IMMP2L: variants seen among roughly 807,000 people sequenced by gnomAD.
The protein encoded by IMMP2L is inner mitochondrial membrane peptidase subunit 2, also known as mitochondrial inner membrane protease subunit 2.
IMMP2L carries 18 observed loss-of-function variants against 19.3 expected under a neutral mutation model. The observed-to-expected ratio is 0.93, with a 90% CI of 0.64 to 1.38. IMMP2L has a LOEUF of 1.38. Ranked by LOEUF, IMMP2L falls within the 40% of genes most tolerant of loss-of-function variation. The pLI is 0.00. For missense variants in IMMP2L, 233 were observed against 218.2 expected, an observed-to-expected ratio of 1.07 and a Z score of -0.43; for synonymous variants, 76 against 73.0, an observed-to-expected ratio of 1.04 and a Z score of -0.21.
At chr7:111,243,519 T>TC (rs1468771245) in intron 3 of IMMP2L, among the ~76,000 whole-genome samples, 4 of 150,806 alleles carry the variant, frequency 2.7e-5, no homozygotes, top group East Asian at 3.9e-4. Flanking sequence ...GCTTTATTTT[T>TC]TTTTTTTTTA....
intron 3 of IMMP2L, among the ~76,000 whole-genome samples, chr7:111,111,010 G>C (rs1322410196): frequency 6.6e-6 from 1 of 152,034 alleles, no homozygotes; most frequent in African/African-American, 2.4e-5. Flanking sequence ...TTGCTTTTCT[G>C]AGCCTAAACT....
chr7:111,228,313 C>T (rs1306962140), intron 3 of IMMP2L, among the ~76,000 whole-genome samples: 7 of 151,482 alleles, frequency 4.6e-5, no homozygotes. Context: ...GTGTCTGGCT[C>T]AAGTACTTAA....
At chr7:111,377,722 T>G (rs1435747364) in intron 3 of IMMP2L, among the ~76,000 whole-genome samples, 1 of 151,962 alleles carries the variant, frequency 6.6e-6, no homozygotes, top group Non-Finnish European at 1.5e-5. Flanking sequence ...AATCTCTGAG[T>G]TTAGGCTGCT....
At chr7:111,324,333 A>T (rs1177822648) in intron 3 of IMMP2L, among the ~76,000 whole-genome samples, 1 of 151,994 alleles carries the variant, frequency 6.6e-6, no homozygotes, top group Non-Finnish European at 1.5e-5. Flanking sequence ...AAAGAAATCT[A>T]TTGTATATGC....
intron 3 of IMMP2L, among the ~76,000 whole-genome samples, chr7:111,030,311 T>G (rs1006223530): frequency 5.3e-5 from 8 of 152,178 alleles, no homozygotes; most frequent in African/African-American, 1.9e-4. Context: ...TGCTAAAAAC[T>G]GATGCTACTT....
intron 3 of IMMP2L, among the ~76,000 whole-genome samples, chr7:111,450,961 G>A (rs1247698990): frequency 6.6e-6 from 1 of 151,550 alleles, no homozygotes; most frequent in East Asian, 1.9e-4. Flanking sequence ...ATGAAAAAAT[G>A]CTCATCATCA....
intron 3 of IMMP2L, among the ~76,000 whole-genome samples, chr7:111,392,380 G>A (rs1832445376): frequency 6.6e-6 from 1 of 152,148 alleles, no homozygotes; most frequent in African/African-American, 2.4e-5. Flanking sequence ...AGCATCTGAT[G>A]TGACTACTTT....
At chr7:111,017,004 T>G (rs930118641) in intron 3 of IMMP2L, among the ~76,000 whole-genome samples, 1 of 131,564 alleles carries the variant, frequency 7.6e-6, no homozygotes, top group Non-Finnish European at 1.5e-5. Flanking sequence ...ATATATTATA[T>G]ATAAACATTA....
chr7:111,176,250 G>A (rs1429616178), intron 3 of IMMP2L, among the ~76,000 whole-genome samples: 1 of 151,850 alleles, frequency 6.6e-6, no homozygotes, highest in African/African-American at 2.4e-5. Flanking sequence ...ATATGATCCA[G>A]CACTCCCACA....
intron 5 of IMMP2L, among the ~76,000 whole-genome samples, chr7:110,702,742 A>AT (rs1446583557): frequency 1.3e-5 from 2 of 152,100 alleles, no homozygotes; most frequent in Non-Finnish European, 2.9e-5. Context: ...AAACAAATTA[A>AT]TTTTTTTGTA....
At chr7:111,164,250 G>T (rs757656963) in intron 3 of IMMP2L, among the ~76,000 whole-genome samples, 1 of 151,968 alleles carries the variant, frequency 6.6e-6, no homozygotes, top group Admixed American at 6.6e-5. Context: ...GTATTAGGTC[G>T]GCGCAATTAC....
At chr7:111,337,224 A>G (rs1030822044) in intron 3 of IMMP2L, among the ~76,000 whole-genome samples, 2 of 152,108 alleles carry the variant, frequency 1.3e-5, no homozygotes, top group African/African-American at 4.8e-5. Flanking sequence ...GCAGAGAATT[A>G]TAAAAAGTAA....
chr7:111,127,747 C>T (rs1295659075), intron 3 of IMMP2L, among the ~76,000 whole-genome samples: 3 of 152,030 alleles, frequency 2.0e-5, no homozygotes, highest in Non-Finnish European at 4.4e-5. Flanking sequence ...AAATAAAACG[C>T]TAAAGTTTAT....
At chr7:111,131,809 C>A (rs866922005) in intron 3 of IMMP2L, among the ~76,000 whole-genome samples, 1 of 151,504 alleles carries the variant, frequency 6.6e-6, no homozygotes, top group Non-Finnish European at 1.5e-5. Flanking sequence ...AGAAAACATA[C>A]GAACTATATA....
intron 5 of IMMP2L, among the ~76,000 whole-genome samples, chr7:110,665,504 T>C (rs1402777076): frequency 6.6e-6 from 1 of 152,230 alleles, no homozygotes; most frequent in Non-Finnish European, 1.5e-5. Context: ...ACTGATGTCT[T>C]CTATAGCCAT....
chr7:111,203,977 C>T (rs894494850), intron 3 of IMMP2L, among the ~76,000 whole-genome samples: 1 of 152,080 alleles, frequency 6.6e-6, no homozygotes, highest in African/African-American at 2.4e-5. Flanking sequence ...CACTATAGAA[C>T]TGCTGAATGG....
intron 3 of IMMP2L, among the ~76,000 whole-genome samples, chr7:111,460,150 G>C (rs1450395331): frequency 6.6e-6 from 1 of 152,066 alleles, no homozygotes; most frequent in Non-Finnish European, 1.5e-5. Flanking sequence ...GGTAGCCAGA[G>C]CCTCAGTCAC....
intron 5 of IMMP2L, among the ~76,000 whole-genome samples, chr7:110,692,094 G>C (rs575497343): frequency 6.6e-5 from 10 of 152,072 alleles, no homozygotes; most frequent in Admixed American, 1.3e-4. Context: ...AAGAAAATGC[G>C]GTGTGTGTAA....
intron 3 of IMMP2L, among the ~76,000 whole-genome samples, chr7:111,346,141 A>T (rs1827518536): frequency 6.6e-6 from 1 of 152,194 alleles, no homozygotes. Context: ...GAACCATCAT[A>T]TGTAGTAAGT....
Sources: gnomAD v4.1 joint callset for allele counts (sites outside exome capture counted in the v4.1 genomes callset) on GRCh38, gnomAD v4.1.1 for gene constraint, MANE v1.5 for transcripts, NCBI Gene and HGNC (gene_info 2026-07-23, HGNC 2026-07-21) for gene names.